The following USH2A variants were observed in gnomAD, a reference collection of about 807,000 sequenced individuals.
USH2A encodes Usher syndrome 2A (autosomal recessive, mild).
A neutral mutation model predicts 538.9 loss-of-function variants in USH2A; 443 were observed. That is an observed-to-expected ratio of 0.82 (90% confidence interval 0.76 to 0.89). The LOEUF (loss-of-function observed/expected upper bound fraction) is 0.89, where lower values mean the gene tolerates loss of function less well. Among genes scored for constraint, USH2A ranks in the 40% least tolerant of loss-of-function variants. The pLI, the probability that USH2A is intolerant of heterozygous loss-of-function variation, is 0.00. For synonymous variants in USH2A, 2,413 were observed against 2,273.5 expected, an observed-to-expected ratio of 1.06 and a Z score of -1.75; for missense variants, 6,633 against 6,324.8, an observed-to-expected ratio of 1.05 and a Z score of -1.65.
intron 70 of USH2A, among the ~76,000 whole-genome samples, chr1:215,631,012 G>A (rs1247120762): frequency 1.3e-5 from 2 of 152,142 alleles, no homozygotes; most frequent in African/African-American, 4.8e-5. Flanking sequence ...TAGCTATACT[G>A]TATACTGTAT....
chr1:215,814,960 A>T (rs1286438159), intron 48 of USH2A, among the ~76,000 whole-genome samples: 1 of 152,104 alleles, frequency 6.6e-6, no homozygotes, highest in African/African-American at 2.4e-5. Flanking sequence ...CTGTAATCTT[A>T]TGGTAAAGCT....
chr1:215,969,975 T>G (rs1667451256), intron 36 of USH2A, among the ~76,000 whole-genome samples: 1 of 152,190 alleles, frequency 6.6e-6, no homozygotes, highest in African/African-American at 2.4e-5. Flanking sequence ...TGCTAGTTTA[T>G]GATAATTAAG....
At chr1:216,090,319 G>C (rs1412981039) in intron 22 of USH2A, among the ~76,000 whole-genome samples, 1 of 148,968 alleles carries the variant, frequency 6.7e-6, no homozygotes, top group Non-Finnish European at 1.5e-5. Flanking sequence ...ATCTTTCTCT[G>C]AAATGGCTTC....
In USH2A at chr1:215,817,165, C is replaced by T. The variant is rs876657631; in HGVS notation, c.9402G>A (p.Arg3134=). 2.5e-6 allele frequency: 4 copies of T among 1,612,372 alleles called. No homozygotes were observed. The highest frequency in any genetic ancestry group is 3.4e-6 in the Non-Finnish European group (4 of 1,178,842). Residue 3134 remains arginine, a synonymous_variant, in exon 48 of 72, where the codon CGG becomes CGA. Transcript: ENST00000307340. ...RSLQIDWVSP[R]KPNGIILGYD... ...ATCCAAGAATGATGCCATTTGGCTTCCGTGGAGACACCCAATCAATTTGAA... is the reference window on the plus strand; with the variant it reads ...ATCCAAGAATGATGCCATTTGGCTTTCGTGGAGACACCCAATCAATTTGAA...
chr1:215,977,587 A>G (rs1161379291), intron 35 of USH2A, among the ~76,000 whole-genome samples: 1 of 151,966 alleles, frequency 6.6e-6, no homozygotes, highest in African/African-American at 2.4e-5. Flanking sequence ...GCTCACTGCA[A>G]CCTCCGCCTC....
intron 34 of USH2A, among the ~76,000 whole-genome samples, chr1:215,996,021 G>A (rs1029084109): frequency 6.6e-6 from 1 of 152,136 alleles, no homozygotes; most frequent in Non-Finnish European, 1.5e-5. Flanking sequence ...AGGGATTATC[G>A]TACCTCAGCC....
chr1:215,922,972 A>T (rs927393066), intron 38 of USH2A, among the ~76,000 whole-genome samples: 1 of 152,122 alleles, frequency 6.6e-6, no homozygotes, highest in African/African-American at 2.4e-5. Flanking sequence ...ACCCTTCAGA[A>T]TGGGATGAGC....
At chr1:216,360,324 T>C (rs1224088332) in intron 4 of USH2A, among the ~76,000 whole-genome samples, 1 of 152,128 alleles carries the variant, frequency 6.6e-6, no homozygotes, top group African/African-American at 2.4e-5. Flanking sequence ...ATGATTTTTT[T>C]ATCCCAACTA....
chr1:215,693,658 G>A (rs1658696382), intron 61 of USH2A, among the ~76,000 whole-genome samples: 1 of 152,170 alleles, frequency 6.6e-6, no homozygotes, highest in African/African-American at 2.4e-5. Flanking sequence ...GTAGAGAAGT[G>A]TTTAAAGGAA....
At chr1:216,089,817 T>TA (rs576421594) in intron 22 of USH2A, among the ~76,000 whole-genome samples, 7,074 of 142,672 alleles carry the variant, frequency 0.05, 365 homozygotes, top group African/African-American at 0.13. Context: ...GAGGTAAGAA[T>TA]AAAAAAAAAA....
intron 5 of USH2A, among the ~76,000 whole-genome samples, chr1:216,326,354 GCTT>G (rs1186589582): frequency 6.6e-6 from 1 of 152,160 alleles, no homozygotes; most frequent in Non-Finnish European, 1.5e-5. Context: ...GAGAAACCAG[GCTT>G]TTCCTCTCAG....
chr1:216,250,820 ACTCT>A (rs2036143752), intron 12 of USH2A, 79 bp downstream of exon 12: 4 of 1,472,278 alleles, frequency 2.7e-6, no homozygotes, highest in Non-Finnish European at 3.7e-6. Context: ...AATTTGCTTT[ACTCT>A]TCAGTTAAGA....
chr1:216,199,849 A>G lies in USH2A; in HGVS notation c.3589T>C (p.Ser1197Pro). The G allele has an allele frequency of 6.2e-7, 1 of 1,614,148 alleles. No homozygotes were observed. Among genetic ancestry groups the G allele is most frequent in the Non-Finnish European group, 8.5e-7 (1 of 1,179,986 alleles). Residue 1197 changes from serine to proline, a missense_variant, in exon 17 of 72, where the codon TCC becomes CCC. Transcript: ENST00000307340. ...GCTGAGGTTTCATGACCTTCGTAGG[A>G]AACACATGGCTGACCACCAGCCAAA... is the stretch of plus-strand genomic sequence containing the variant. ...APLAGGQPCVSYEGHETSATI... is the reference protein window; with the variant it reads ...APLAGGQPCVPYEGHETSATI...
intron 47 of USH2A, among the ~76,000 whole-genome samples, chr1:215,830,091 G>A (rs1663269433): frequency 6.6e-6 from 1 of 152,168 alleles, no homozygotes; most frequent in Non-Finnish European, 1.5e-5. Flanking sequence ...GAATGTTACA[G>A]GGTGAGTTTC....
chr1:215,851,747 A>G (rs1035534114), intron 44 of USH2A, among the ~76,000 whole-genome samples: 6 of 152,026 alleles, frequency 3.9e-5, no homozygotes, highest in Non-Finnish European at 8.8e-5. Flanking sequence ...AAAGAAAACT[A>G]CAGACCAATA....
rs115005293 is a variant in USH2A, at chr1:215,742,096, G to A, written c.11549-559C>T. Among the ~76,000 whole-genome samples, 774 of 152,222 alleles carry A rather than the reference G, an allele frequency of 5.1e-3. 8 individuals carry two copies. Among genetic ancestry groups the A allele is most frequent in the African/African-American group, 0.017 (725 of 41,518 alleles). Reference sequence around the variant, plus strand: ...TTAAAATTATTTTCACGTTTATCAGGTGAAGACAGATCAGAGAAAGCAATA... The same window carrying A: ...TTAAAATTATTTTCACGTTTATCAGATGAAGACAGATCAGAGAAAGCAATA... On this transcript the variant is annotated intron_variant, in intron 59 of 71. Transcript: ENST00000307340.
Position 215,833,504 on chromosome 1 carries a change from A to T in USH2A, c.9371+4487T>A, listed in dbSNP as rs188654557. ...ATTAAATACTTACATGCCAAAAAAA[A>T]TTAACCTTGACTCATGCCTCAGTGT... On this transcript the variant is annotated intron_variant, in intron 47 of 71. Coordinates refer to ENST00000307340, the MANE Select transcript of USH2A (RefSeq NM_206933.4). Among the ~76,000 whole-genome samples the T allele has an allele frequency of 6.5e-3, 982 of 152,116 alleles. 6 individuals carry two copies. The highest frequency in any genetic ancestry group is 0.011 in the Non-Finnish European group (716 of 67,886).
intron 22 of USH2A, among the ~76,000 whole-genome samples, chr1:216,093,373 C>A (rs189333719): frequency 2.0e-5 from 3 of 152,250 alleles, no homozygotes; most frequent in South Asian, 2.1e-4. Flanking sequence ...ATAGCAGTGA[C>A]GAGTACTCTA....
chr1:216,241,054 A>G (rs951814014), intron 13 of USH2A, among the ~76,000 whole-genome samples: 1 of 152,330 alleles, frequency 6.6e-6, no homozygotes, highest in Middle Eastern at 3.4e-3. Flanking sequence ...AGCAAAGAAA[A>G]TATAGTCAAA....
Sources: gnomAD v4.1 joint callset for allele counts (sites outside exome capture counted in the v4.1 genomes callset) on GRCh38, gnomAD v4.1.1 for gene constraint, MANE v1.5 for transcripts, NCBI Gene and HGNC (gene_info 2026-07-23, HGNC 2026-07-21) for gene names.